Variants in HSD11B1 observed in about 807,000 individuals in gnomAD.
HSD11B1 encodes 11-beta-hydroxysteroid dehydrogenase 1.
Under a neutral mutation model 22.1 loss-of-function variants are expected in HSD11B1, and 15 were observed. The observed-to-expected ratio is 0.68, with a 90% CI of 0.45 to 1.04. The LOEUF (loss-of-function observed/expected upper bound fraction) is 1.04, where lower values mean the gene tolerates loss of function less well. Ranked by LOEUF, HSD11B1 falls within the 50% of genes least tolerant of loss-of-function variation. The pLI, the probability that HSD11B1 is intolerant of heterozygous loss-of-function variation, is 0.00. For synonymous variants in HSD11B1, 122 were observed against 125.2 expected, an observed-to-expected ratio of 0.97 and a Z score of 0.17; for missense variants, 281 against 357.6, an observed-to-expected ratio of 0.79 and a Z score of 1.73.
intron 4 of HSD11B1, among the ~76,000 whole-genome samples, chr1:209,732,146 G>T (rs889560642): frequency 6.6e-6 from 1 of 152,200 alleles, no homozygotes; most frequent in South Asian, 2.1e-4. Flanking sequence ...AGAGTTAGCA[G>T]CTGTGGAATT....
chr1:209,699,665 C>A (rs1037014806), intron 1 of HSD11B1, among the ~76,000 whole-genome samples: 9 of 152,164 alleles, frequency 5.9e-5, no homozygotes, highest in Admixed American at 5.2e-4. Context: ...TCCCAACAGT[C>A]CCCCAAAGTT....
intron 4 of HSD11B1, among the ~76,000 whole-genome samples, chr1:209,724,595 C>T (rs891734181): frequency 1.3e-5 from 2 of 152,150 alleles, no homozygotes; most frequent in Non-Finnish European, 2.9e-5. Flanking sequence ...ATGTTGTTTA[C>T]TCCACTTTGA....
Position 209,734,277 on chromosome 1 carries a change from C to A in HSD11B1, c.662-27C>A, listed in dbSNP as rs749161406. ...CATGTAGACTGTCCTAGTCAGATAACCCTACTCTTCCCTTGTCATTCTATA... is the reference window on the plus strand; with the variant it reads ...CATGTAGACTGTCCTAGTCAGATAAACCTACTCTTCCCTTGTCATTCTATA... On this transcript the variant is annotated intron_variant, in intron 5 of 5. Transcript: ENST00000367027. The A allele has an allele frequency of 3.2e-6, 5 of 1,570,824 alleles. No homozygotes were observed. In the East Asian group the frequency reaches 6.7e-5, roughly 21 times the overall value.
intron 4 of HSD11B1, among the ~76,000 whole-genome samples, chr1:209,730,406 G>A (rs1043900856): frequency 2.0e-5 from 3 of 152,202 alleles, no homozygotes; most frequent in Non-Finnish European, 4.4e-5. Flanking sequence ...AGGGCAAAAT[G>A]TAAAAGTTGC....
At chr1:209,730,851 T>G (rs1270180326) in intron 4 of HSD11B1, among the ~76,000 whole-genome samples, 1 of 152,164 alleles carries the variant, frequency 6.6e-6, no homozygotes, top group African/African-American at 2.4e-5. Flanking sequence ...CTTCCCCAGA[T>G]TACAACTATA....
At chr1:209,727,995 G>T (rs890144124) in intron 4 of HSD11B1, among the ~76,000 whole-genome samples, 2 of 152,124 alleles carry the variant, frequency 1.3e-5, no homozygotes, top group African/African-American at 4.8e-5. Flanking sequence ...GTGCATATTC[G>T]TGATAACTGG....
chr1:209,711,146 G>C lies in HSD11B1; in HGVS notation c.517+4018G>C, dbSNP rs537129236. Among the ~76,000 whole-genome samples, 22 of 152,270 alleles carry C rather than the reference G, an allele frequency of 1.4e-4. No homozygotes were observed. In the South Asian group the frequency reaches 3.3e-3, roughly 23 times the overall value. Reference sequence around the variant, plus strand: ...TTTCAAAAATTCAACATTATGAAGTGGGGGGAGAAAAACAGGTTTTTCAAC... The same window carrying C: ...TTTCAAAAATTCAACATTATGAAGTCGGGGGAGAAAAACAGGTTTTTCAAC... On this transcript the variant is annotated intron_variant, in intron 4 of 5. Coordinates refer to ENST00000367027, the MANE Select transcript of HSD11B1 (RefSeq NM_005525.4).
upstream of HSD11B1, among the ~76,000 whole-genome samples, chr1:209,701,184 T>C (rs2102364573): frequency 6.6e-6 from 1 of 152,264 alleles, no homozygotes; most frequent in Middle Eastern, 3.4e-3. Context: ...ACACTGCTGA[T>C]AAAGACATAC....
chr1:209,709,149 T>C (rs1333365322), intron 4 of HSD11B1, among the ~76,000 whole-genome samples: 1 of 152,228 alleles, frequency 6.6e-6, no homozygotes, highest in African/African-American at 2.4e-5. Flanking sequence ...CAAACAGTAC[T>C]GGGATGGAGT....
intron 4 of HSD11B1, among the ~76,000 whole-genome samples, chr1:209,730,219 T>A (rs1011331694): frequency 4.6e-5 from 7 of 152,220 alleles, no homozygotes; most frequent in African/African-American, 1.7e-4. Context: ...GAGAGATTCC[T>A]TCTTCTCAGG....
At chr1:209,704,211 T>A (rs2076842050), upstream of HSD11B1, among the ~76,000 whole-genome samples, 1 of 152,222 alleles carries the variant, frequency 6.6e-6, no homozygotes, top group Non-Finnish European at 1.5e-5. Flanking sequence ...TCTGTTAAAA[T>A]AATAAGTGTA....
At chr1:209,697,723 C>T (rs2076798940) in intron 1 of HSD11B1, among the ~76,000 whole-genome samples, 1 of 152,046 alleles carries the variant, frequency 6.6e-6, no homozygotes, top group African/African-American at 2.4e-5. Flanking sequence ...GACCAGATGG[C>T]TATCAGTAGG....
At chr1:209,733,343 A>G (rs2077047422) in intron 5 of HSD11B1, among the ~76,000 whole-genome samples, 1 of 152,178 alleles carries the variant, frequency 6.6e-6, no homozygotes, top group African/African-American at 2.4e-5. Context: ...ATTTTATAAA[A>G]CATTTGGTCA....
chr1:209,714,241 TAAAAC>T (rs2076916517), intron 4 of HSD11B1, among the ~76,000 whole-genome samples: 1 of 152,154 alleles, frequency 6.6e-6, no homozygotes, highest in Admixed American at 6.5e-5. Context: ...GCAACAAACA[TAAAAC>T]AAACACTCTA....
intron 4 of HSD11B1, among the ~76,000 whole-genome samples, chr1:209,722,913 T>C (rs1171198247): frequency 6.6e-6 from 1 of 152,202 alleles, no homozygotes; most frequent in East Asian, 1.9e-4. Context: ...CAGTTAGGGA[T>C]GGAGGGTAGA....
intron 5 of HSD11B1, among the ~76,000 whole-genome samples, chr1:209,734,010 C>T (rs1269624629): frequency 6.6e-6 from 1 of 152,156 alleles, no homozygotes; most frequent in African/African-American, 2.4e-5. Context: ...TTCTCCGCCT[C>T]CAACCAAAAT....
At chr1:209,702,604 G>T (rs1571869746), upstream of HSD11B1, among the ~76,000 whole-genome samples, 2 of 152,292 alleles carry the variant, frequency 1.3e-5, no homozygotes, top group South Asian at 4.1e-4. Context: ...GAGGCTACAG[G>T]ATGTATGCTA....
At chr1:209,704,806 A>T (rs1571871082), upstream of HSD11B1, 1 of 685,576 alleles carries the variant, frequency 1.5e-6, no homozygotes, top group Admixed American at 2.2e-5. Context: ...ATTGGCTAGC[A>T]CTGCCTGAGA....
At chr1:209,727,956 G>A (rs899117103) in intron 4 of HSD11B1, among the ~76,000 whole-genome samples, 1 of 152,146 alleles carries the variant, frequency 6.6e-6, no homozygotes, top group African/African-American at 2.4e-5. Context: ...TTTATTGAAA[G>A]AGAGACCACG....
Sources: allele counts gnomAD v4.1 joint callset (sites outside exome capture counted in the v4.1 genomes callset), GRCh38; gene constraint gnomAD v4.1.1; transcripts MANE v1.5; gene names NCBI Gene and HGNC (gene_info 2026-07-23, HGNC 2026-07-21).